The following SPESP1 variants were observed in gnomAD, a reference collection of about 807,000 sequenced individuals.
SPESP1 encodes the protein sperm equatorial segment protein 1, also known as equatorial segment protein.
Under a neutral mutation model 3.1 loss-of-function variants are expected in SPESP1, and 1 was observed. That is an observed-to-expected ratio of 0.33 (90% CI 0.12 to 1.54). The LOEUF (loss-of-function observed/expected upper bound fraction) is 1.54. SPESP1 is among the 40% of genes most tolerant of loss of function. The pLI is 0.38. For missense variants in SPESP1, 398 were observed against 410.1 expected (o/e 0.97, Z 0.26); for synonymous variants, 138 against 150.7 (o/e 0.92, Z 0.62).
intron 1 of SPESP1, chr15:68,939,966 T>G (rs774172181): frequency 1.2e-4 from 19 of 152,184 alleles, no homozygotes; most frequent in Non-Finnish European, 1.3e-4. Context: ...CCTTTGTTGG[T>G]TTTACATTTT....
Position 68,944,157 on chromosome 15 carries a change from A to G in SPESP1, c.65-1442A>G, listed in dbSNP as rs989655485. ...ACCTTAAAATTGCCCATGGTAAAAA[A>G]CCATAGCACTTAAAATTAAAATACC... On this transcript the variant is annotated intron_variant, in intron 1 of 1. Coordinates refer to ENST00000310673, the MANE Select transcript of SPESP1 (RefSeq NM_145658.4). 3.9e-5 allele frequency among the ~76,000 whole-genome samples: 6 copies of G among 152,128 alleles called. No homozygotes were observed. In the South Asian group the frequency reaches 1.2e-3, roughly 32 times the overall value.
chr15:68,944,526 T>C (rs563846079), intron 1 of SPESP1, among the ~76,000 whole-genome samples: 2 of 152,058 alleles, frequency 1.3e-5, no homozygotes, highest in Non-Finnish European at 2.9e-5. Context: ...ATATATATAT[T>C]TTTGATCCGG....
At position 68,930,716 on chromosome 15, in the gene SPESP1, G is replaced by C. The variant is rs1349679865; in HGVS notation, c.63G>C (p.Pro21=). The stretch of plus-strand genomic sequence containing the variant: ...GGCCTTCGTCTGTGCCGGCTTATCC[G>C]AGTGAGTGACGGGCCTGAGGAGGCA... ...LLWPSSVPAY[P]SITVTPDEEQ... The change falls in exon 1 of 2, where the codon CCG becomes CCC. Residue 21 remains proline, a splice_region_variant and synonymous_variant. Coordinates refer to ENST00000310673, the MANE Select transcript of SPESP1 (RefSeq NM_145658.4). 6.2e-7 allele frequency: 1 copy of C among 1,613,810 alleles called. No individual in the cohort carries two copies. Among genetic ancestry groups the C allele is most frequent in the East Asian group, 2.2e-5 (1 of 44,874 alleles).
In SPESP1 at chr15:68,945,579, A is replaced by G; in HGVS notation, c.65-20A>G. ...TAATAATAAATGTTACTTATTATTT[A>G]TTTGATTTTTTCCCTGAAGGCATAA... On this transcript the variant is annotated intron_variant, in intron 1 of 1. Transcript: ENST00000310673. The G allele has an allele frequency of 6.6e-7, 1 of 1,513,558 alleles. No individual in the cohort carries two copies. Among genetic ancestry groups the G allele is most frequent in the Non-Finnish European group, 8.8e-7 (1 of 1,136,696 alleles). The allele number at this position is 1,513,558 out of a possible 1,614,324, so 93.8% of individuals were successfully genotyped here. A position where few individuals can be genotyped will look rare whatever the true frequency, so the allele number is the denominator to read the frequency against.
rs747832113 is a variant in SPESP1 at position 68,946,291 on chromosome 15, G to A, written c.757G>A (p.Asp253Asn). The change falls in exon 2 of 2, where the codon GAT becomes AAT. Residue 253 changes from aspartate (D) to asparagine (N), a missense_variant. By Grantham distance (23) the Asp-to-Asn change is conservative (BLOSUM62 1). Coordinates refer to ENST00000310673, the MANE Select transcript of SPESP1 (RefSeq NM_145658.4). ...SDTSNPAYRE[D>N]IEASKDHLKR... is the part of the protein sequence containing the mutation. ...CACCAGCAACCCAGCATATAGAGAA[G>A]ATATTGAAGCCTCTAAAGATCACCT... is the stretch of plus-strand genomic sequence containing the variant. 31 of 1,613,960 alleles carry A rather than the reference G, an allele frequency of 1.9e-5. No individual in the cohort carries two copies. The highest frequency in any genetic ancestry group is 2.4e-5 in the Non-Finnish European group (28 of 1,180,046).
rs1205254695 is a variant in SPESP1 at position 68,930,589 on chromosome 15, G to A, written c.-65G>A. ...CGCTGACACCTTCCCTTTCGGCCTT[G>A]AGGTTCCCAGCCTGGTGGCCCCAGG... On this transcript the variant is annotated 5_prime_UTR_variant, in exon 1 of 2. Coordinates refer to ENST00000310673, the MANE Select transcript of SPESP1 (RefSeq NM_145658.4). 3 of 1,607,066 alleles carry A rather than the reference G, an allele frequency of 1.9e-6. No individual in the cohort carries two copies. Among genetic ancestry groups the A allele is most frequent in the African/African-American group, 2.7e-5 (2 of 74,758 alleles).
intron 1 of SPESP1, among the ~76,000 whole-genome samples, chr15:68,938,103 C>T (rs1393047399): frequency 1.3e-5 from 2 of 152,236 alleles, no homozygotes; most frequent in East Asian, 1.9e-4. Flanking sequence ...GCCTCAGCCT[C>T]GAGAGTAGCT....
At chr15:68,942,169 C>CTTTTTTTTTTTTTTTTTTTT (rs778249415) in intron 1 of SPESP1, among the ~76,000 whole-genome samples, 8 of 142,866 alleles carry the variant, frequency 5.6e-5, no homozygotes, top group African/African-American at 1.1e-4. Flanking sequence ...CATCTTATTT[C>CTTTTTTTTTTTTTTTTTTTT]TTTTTTTTTT....
chr15:68,935,167 T>C (rs1052926169), intron 1 of SPESP1, among the ~76,000 whole-genome samples: 3 of 152,236 alleles, frequency 2.0e-5, no homozygotes, highest in African/African-American at 4.8e-5. Flanking sequence ...GAGTTTATTT[T>C]GGTTTCAATT....
chr15:68,933,244 C>G (rs1595715344), intron 1 of SPESP1, among the ~76,000 whole-genome samples: 1 of 152,102 alleles, frequency 6.6e-6, no homozygotes, highest in Admixed American at 6.5e-5. Flanking sequence ...CTGCCTATAC[C>G]TTTCTAACAG....
intron 1 of SPESP1, among the ~76,000 whole-genome samples, chr15:68,933,684 C>T (rs1895610691): frequency 1.3e-5 from 2 of 151,542 alleles, no homozygotes; most frequent in South Asian, 2.1e-4. Flanking sequence ...CATGGCGAAA[C>T]CCCGTCTTTA....
At chr15:68,939,484 C>A (rs190984522) in intron 1 of SPESP1, among the ~76,000 whole-genome samples, 1 of 152,308 alleles carries the variant, frequency 6.6e-6, no homozygotes, top group East Asian at 1.9e-4. Context: ...TCTTTTACTA[C>A]CTTGACCTAC....
chr15:68,933,219 C>T (rs974659862), intron 1 of SPESP1, among the ~76,000 whole-genome samples: 2 of 152,162 alleles, frequency 1.3e-5, no homozygotes, highest in Non-Finnish European at 2.9e-5. Flanking sequence ...TTGAAAACCT[C>T]AGTACTTCTT....
chr15:68,932,393 C>A (rs1021746572), intron 1 of SPESP1, among the ~76,000 whole-genome samples: 16 of 151,218 alleles, frequency 1.1e-4, no homozygotes, highest in South Asian at 4.2e-4. Context: ...CTTTTCCCCC[C>A]CTTTTTTTTT....
At position 68,945,758 on chromosome 15, in the gene SPESP1, A is replaced by C; in HGVS notation, c.224A>C (p.Lys75Thr). The stretch of plus-strand genomic sequence containing the variant: ...ATAGCATCAAAGGGATCAAAATTTA[A>C]GGAGCTAGTTACACATGGAGACGCT... ...YSIASKGSKF[K>T]ELVTHGDAST... Residue 75 changes from lysine to threonine, a missense_variant, in exon 2 of 2, where the codon AAG (lysine) becomes ACG (threonine). Lys to Thr is a moderately conservative substitution (Grantham distance 78). Coordinates refer to ENST00000310673, the MANE Select transcript of SPESP1 (RefSeq NM_145658.4). The C allele has an allele frequency of 6.2e-7, 1 of 1,613,990 alleles. No individual in the cohort carries two copies. Among genetic ancestry groups the C allele is most frequent in the Non-Finnish European group, 8.5e-7 (1 of 1,179,978 alleles).
chr15:68,941,228 A>G (rs1895814954), intron 1 of SPESP1, among the ~76,000 whole-genome samples: 1 of 152,212 alleles, frequency 6.6e-6, no homozygotes. Flanking sequence ...AGAGGATATG[A>G]CATCTAAGCA....
rs1475352916 is a variant in SPESP1, at chr15:68,945,999, A to G, written c.465A>G (p.Gln155=). Residue 155 remains glutamine, a synonymous_variant, in exon 2 of 2, where the codon CAA becomes CAG. Transcript: ENST00000310673. ...CAGAGCCGGAGCCAGCTGCAAAACA[A>G]ACTGAGGCACCAAGAATGTTGCCAG... is the stretch of plus-strand genomic sequence containing the variant. ...PEPEPEPAAK[Q]TEAPRMLPVV... is the part of the protein sequence containing the mutation. 6.2e-7 allele frequency: 1 copy of G among 1,614,182 alleles called. No homozygotes were observed. Among genetic ancestry groups the G allele is most frequent in the Admixed American group, 1.7e-5 (1 of 60,020 alleles).
At position 68,946,532 on chromosome 15, in the gene SPESP1, C is replaced by A. The variant is rs867865300; in HGVS notation, c.998C>A (p.Thr333Lys). The A allele has an allele frequency of 1.3e-6, 2 of 1,585,472 alleles. No homozygotes were observed. The highest frequency in any genetic ancestry group is 1.2e-5 in the South Asian group (1 of 84,104). ...MREKAATVFN[T>K]LKNMCRSRRV... ...GAAAAAGCTGCTACAGTATTCAATA[C>A]ATTAAAAAATATGTGTAGATCAAGG... The change falls in exon 2 of 2, where the codon ACA becomes AAA. Residue 333 changes from threonine (T) to lysine (K), a missense_variant. By Grantham distance (78) the Thr-to-Lys change is moderately conservative (BLOSUM62 -1). Coordinates refer to ENST00000310673, the MANE Select transcript of SPESP1 (RefSeq NM_145658.4).
intron 1 of SPESP1, among the ~76,000 whole-genome samples, chr15:68,941,842 T>C (rs530336292): frequency 6.6e-6 from 1 of 152,336 alleles, no homozygotes; most frequent in South Asian, 2.1e-4. Flanking sequence ...TTTAATATTT[T>C]ATGGTTATGT....
Sources: allele counts gnomAD v4.1 joint callset (sites outside exome capture counted in the v4.1 genomes callset), GRCh38; gene constraint gnomAD v4.1.1; transcripts MANE v1.5; gene names NCBI Gene and HGNC (gene_info 2026-07-23, HGNC 2026-07-21).